Variants in KCNIP4 observed in about 807,000 individuals in gnomAD.
KCNIP4 encodes potassium voltage-gated channel interacting protein 4.
A neutral mutation model predicts 34.0 loss-of-function variants in KCNIP4; 12 were observed. The observed-to-expected ratio is 0.35, with a 90% CI of 0.23 to 0.57. The LOEUF is 0.57. Among genes scored for constraint, KCNIP4 ranks in the 20% least tolerant of loss-of-function variants. The pLI, the probability that KCNIP4 is intolerant of heterozygous loss-of-function variation, is 0.83. For missense variants in KCNIP4, 238 were observed against 311.7 expected (o/e 0.76, Z 1.78); for synonymous variants, 124 against 102.2 (o/e 1.21, Z -1.29).
chr4:20,917,882 G>A (rs1209972543), intron 1 of KCNIP4, among the ~76,000 whole-genome samples: 3 of 152,118 alleles, frequency 2.0e-5, no homozygotes, highest in Non-Finnish European at 4.4e-5. Flanking sequence ...GGAAGAGATC[G>A]CCATGTTGCA....
At chr4:21,101,956 G>A (rs1747985390) in intron 1 of KCNIP4, among the ~76,000 whole-genome samples, 1 of 152,108 alleles carries the variant, frequency 6.6e-6, no homozygotes. Context: ...AAAGCTAAGA[G>A]AGGTGGAAAG....
chr4:21,772,734 G>A (rs1183766429), intron 1 of KCNIP4, among the ~76,000 whole-genome samples: 1 of 152,036 alleles, frequency 6.6e-6, no homozygotes, highest in Non-Finnish European at 1.5e-5. Flanking sequence ...ATTCTCTGAT[G>A]GTGCTTTGTA....
chr4:21,105,154 G>A (rs1577698501), intron 1 of KCNIP4, among the ~76,000 whole-genome samples: 1 of 151,572 alleles, frequency 6.6e-6, no homozygotes, highest in East Asian at 1.9e-4. Flanking sequence ...TAGCTTGATG[G>A]GGATGGCATT....
intron 1 of KCNIP4, among the ~76,000 whole-genome samples, chr4:21,730,989 C>T (rs1715550605): frequency 6.6e-6 from 1 of 151,974 alleles, no homozygotes; most frequent in African/African-American, 2.4e-5. Flanking sequence ...TGGTACACTC[C>T]TGTAGTCCCA....
intron 1 of KCNIP4, among the ~76,000 whole-genome samples, chr4:21,708,523 C>T (rs1350560821): frequency 1.3e-5 from 2 of 152,034 alleles, no homozygotes; most frequent in Non-Finnish European, 2.9e-5. Context: ...AGTCAAAGAA[C>T]AATCAAAGAG....
intron 1 of KCNIP4, among the ~76,000 whole-genome samples, chr4:21,659,957 A>C (rs933747633): frequency 6.6e-6 from 1 of 152,182 alleles, no homozygotes; most frequent in African/African-American, 2.4e-5. Context: ...TGTGTAGCCT[A>C]TATTTTAGCT....
intron 1 of KCNIP4, among the ~76,000 whole-genome samples, chr4:21,154,971 T>G (rs780608693): frequency 6.6e-5 from 10 of 152,240 alleles, no homozygotes; most frequent in Non-Finnish European, 1.5e-4. Flanking sequence ...AGCCCACACT[T>G]GCTCTCTTTC....
chr4:21,242,163 C>CAAAAAAAAAAAA (rs11436478), intron 1 of KCNIP4, among the ~76,000 whole-genome samples: 7 of 55,742 alleles, frequency 1.3e-4, no homozygotes, highest in African/African-American at 3.9e-4. Flanking sequence ...AATTCTGTCT[C>CAAAAAAAAAAAA]AAAAAAAAAA....
At chr4:21,231,046 T>C (rs1289499405) in intron 1 of KCNIP4, among the ~76,000 whole-genome samples, 1 of 152,134 alleles carries the variant, frequency 6.6e-6, no homozygotes, top group East Asian at 1.9e-4. Context: ...TTCTGGGAAT[T>C]TGTTACAGCA....
chr4:20,945,543 T>C lies in KCNIP4; in HGVS notation c.62-62834A>G, dbSNP rs1434363426. ...CTTATGCAAACAAATATGTCTACTGTTATATCCAACCAAACTCACTTGAAT... is the reference window on the plus strand; with the variant it reads ...CTTATGCAAACAAATATGTCTACTGCTATATCCAACCAAACTCACTTGAAT... On this transcript the variant is annotated intron_variant, in intron 1 of 8. Coordinates refer to ENST00000382152, the MANE Select transcript of KCNIP4 (RefSeq NM_025221.6). 2.0e-5 allele frequency among the ~76,000 whole-genome samples: 3 copies of C among 152,300 alleles called. 1 individual carries two copies. Among genetic ancestry groups the C allele is most frequent in the African/African-American group, 7.2e-5 (3 of 41,576 alleles).
chr4:20,880,339 C>T (rs1041254493), intron 2 of KCNIP4, among the ~76,000 whole-genome samples: 5 of 151,796 alleles, frequency 3.3e-5, no homozygotes, highest in Admixed American at 1.3e-4. Context: ...GAGGAGAAGG[C>T]GAAAAAGGAA....
intron 1 of KCNIP4, among the ~76,000 whole-genome samples, chr4:21,929,219 A>G (rs925457768): frequency 6.6e-6 from 1 of 152,112 alleles, no homozygotes; most frequent in African/African-American, 2.4e-5. Context: ...CACCAAATTC[A>G]TGGTAGTGGT....
chr4:21,014,903 A>G (rs1302510390), intron 1 of KCNIP4, among the ~76,000 whole-genome samples: 1 of 152,218 alleles, frequency 6.6e-6, no homozygotes, highest in South Asian at 2.1e-4. Flanking sequence ...ATATGGCATA[A>G]TATACATACA....
chr4:21,038,755 A>G lies in KCNIP4; in HGVS notation c.62-156046T>C, dbSNP rs202231973. ...AATTCCAAGTATTTTACAAATATCT[A>G]CGTTATGAGGAAAGATATTTTAATC... On this transcript the variant is annotated intron_variant, in intron 1 of 8. Transcript: ENST00000382152. 2.5e-4 allele frequency among the ~76,000 whole-genome samples: 38 copies of G among 152,350 alleles called. No individual in the cohort carries two copies. In the East Asian group the frequency reaches 6.6e-3, roughly 26 times the overall value.
chr4:20,995,675 C>G (rs1480166940), intron 1 of KCNIP4, among the ~76,000 whole-genome samples: 1 of 152,218 alleles, frequency 6.6e-6, no homozygotes, highest in Non-Finnish European at 1.5e-5. Flanking sequence ...TATTATTATA[C>G]TTCATCTGTT....
At chr4:20,969,461 C>T (rs1420988545) in intron 1 of KCNIP4, among the ~76,000 whole-genome samples, 1 of 152,166 alleles carries the variant, frequency 6.6e-6, no homozygotes, top group Non-Finnish European at 1.5e-5. Flanking sequence ...TGTCCTGACA[C>T]TGCAGTGACC....
chr4:21,582,084 A>AATGGAATGGG lies in KCNIP4; in HGVS notation c.61+366486_61+366487insCCCATTCCAT, dbSNP rs1560534672. The AATGGAATGGG allele has an allele frequency of 6.9e-5, 10 of 144,192 alleles. No homozygotes were observed. In the South Asian group the frequency reaches 8.9e-4, roughly 13 times the overall value. The allele number at this position is 144,192 out of a possible 1,614,324, so 8.9% of individuals were successfully genotyped here. A position where few individuals can be genotyped will look rare whatever the true frequency, so the allele number is the denominator to read the frequency against. ...AATGGAATGGAATGGAATGGAATGGAATGGGATGGGATATTGTCAGAGAAT... is the reference window on the plus strand; with the variant it reads ...AATGGAATGGAATGGAATGGAATGGAATGGAATGGGATGGGATGGGATATTGTCAGAGAAT... On this transcript the variant is annotated intron_variant, in intron 1 of 8. Coordinates refer to ENST00000382152, the MANE Select transcript of KCNIP4 (RefSeq NM_025221.6).
chr4:21,680,309 G>A (rs62302869), intron 1 of KCNIP4, among the ~76,000 whole-genome samples: 6,463 of 152,224 alleles, frequency 0.042, 196 homozygotes, highest in Middle Eastern at 0.078. Context: ...TTAGATGGCA[G>A]CAATTCAGTC....
intron 1 of KCNIP4, among the ~76,000 whole-genome samples, chr4:21,143,146 C>T (rs375290093): frequency 1.7e-4 from 26 of 152,244 alleles, no homozygotes; most frequent in South Asian, 8.3e-4. Flanking sequence ...ATTTTGCAGA[C>T]GTGAAGTCCT....
Sources: gnomAD v4.1 joint callset for allele counts (sites outside exome capture counted in the v4.1 genomes callset) on GRCh38, gnomAD v4.1.1 for gene constraint, MANE v1.5 for transcripts, NCBI Gene and HGNC (gene_info 2026-07-23, HGNC 2026-07-21) for gene names.